The following CLSTN2 variants were observed in gnomAD, a reference collection of about 807,000 sequenced individuals.
The protein encoded by CLSTN2 is calsyntenin-2.
In CLSTN2, 48 loss-of-function variants were observed where a neutral mutation model predicts 101.2. The observed-to-expected ratio is 0.47, with a 90% CI of 0.38 to 0.60. The LOEUF (loss-of-function observed/expected upper bound fraction) is 0.60, where lower values mean the gene tolerates loss of function less well. Among genes scored for constraint, CLSTN2 ranks in the 20% least tolerant of loss-of-function variants. The pLI is 0.00. For synonymous variants in CLSTN2, 481 were observed against 463.6 expected (o/e 1.04, Z -0.48); for missense variants, 1,160 against 1,238.2 (o/e 0.94, Z 0.95).
At chr3:140,122,073 C>G (rs568505467) in intron 1 of CLSTN2, among the ~76,000 whole-genome samples, 1 of 152,284 alleles carries the variant, frequency 6.6e-6, no homozygotes, top group East Asian at 1.9e-4. Context: ...CAATCAGGAG[C>G]AGCATGAAAC....
At position 140,244,897 on chromosome 3, in the gene CLSTN2, G is replaced by T. The variant is rs1445327145; in HGVS notation, c.232+68824G>T. Among the ~76,000 whole-genome samples, 45 of 152,276 alleles carry T rather than the reference G, an allele frequency of 3.0e-4. 1 individual carries two copies. The highest frequency in any genetic ancestry group is 2.9e-3 in the Admixed American group (45 of 15,280). On this transcript the variant is annotated intron_variant, in intron 2 of 16. Transcript: ENST00000458420. ...TTTTAAAGTTCTATAGCTTATTAAA[G>T]TTTGAAATGTCAAGGTTTGAAAACG...
At chr3:140,153,823 G>T (rs533063616) in intron 1 of CLSTN2, among the ~76,000 whole-genome samples, 1 of 152,170 alleles carries the variant, frequency 6.6e-6, no homozygotes. Context: ...AGAGAACACT[G>T]GTGGGAGTGG....
chr3:140,514,810 T>C (rs565622021), intron 8 of CLSTN2, among the ~76,000 whole-genome samples: 2 of 152,240 alleles, frequency 1.3e-5, no homozygotes, highest in South Asian at 4.1e-4. Context: ...TTTATTTTTA[T>C]GTTCTTAGTG....
intron 1 of CLSTN2, among the ~76,000 whole-genome samples, chr3:140,148,896 C>T (rs1288319426): frequency 3.3e-5 from 5 of 152,132 alleles, no homozygotes; most frequent in Non-Finnish European, 5.9e-5. Flanking sequence ...TTCTTGGTGG[C>T]TTACAAACAG....
intron 2 of CLSTN2, among the ~76,000 whole-genome samples, chr3:140,199,573 C>T (rs570245417): frequency 6.6e-6 from 1 of 152,290 alleles, no homozygotes; most frequent in Admixed American, 6.5e-5. Flanking sequence ...TAGGAGCCGC[C>T]CAGGCCCCTG....
At chr3:140,379,074 G>C (rs1185663520) in intron 2 of CLSTN2, among the ~76,000 whole-genome samples, 1 of 152,154 alleles carries the variant, frequency 6.6e-6, no homozygotes, top group African/African-American at 2.4e-5. Context: ...AGCACATTCT[G>C]CTCCATTCCA....
At chr3:140,010,130 T>C (rs756430692) in intron 1 of CLSTN2, among the ~76,000 whole-genome samples, 16 of 152,254 alleles carry the variant, frequency 1.1e-4, no homozygotes, top group Non-Finnish European at 2.2e-4. Flanking sequence ...CTTTCCAGCC[T>C]ATTTGCATGG....
chr3:140,511,541 C>CTTTT (rs59924727), intron 8 of CLSTN2, among the ~76,000 whole-genome samples: 2 of 70,848 alleles, frequency 2.8e-5, no homozygotes, highest in Non-Finnish European at 5.3e-5. Flanking sequence ...TGTTTCTGGA[C>CTTTT]TTTTTTTTTT....
At chr3:140,433,434 A>C (rs2088655921) in intron 5 of CLSTN2, among the ~76,000 whole-genome samples, 1 of 152,196 alleles carries the variant, frequency 6.6e-6, no homozygotes, top group African/African-American at 2.4e-5. Context: ...CCCACATGCT[A>C]CCTCATCTCC....
At chr3:140,373,888 C>T (rs1174449811) in intron 2 of CLSTN2, among the ~76,000 whole-genome samples, 1 of 152,238 alleles carries the variant, frequency 6.6e-6, no homozygotes, top group Non-Finnish European at 1.5e-5. Flanking sequence ...CCTGCCAGGA[C>T]TTTCTGATAG....
chr3:140,571,908 T>C lies in CLSTN2; in HGVS notation c.*5655T>C, dbSNP rs959959916. ...CCAGAAAGCTGACAGATATTCCCTG[T>C]ATGCAGGTAGTAAACAGATGGGAGT... On this transcript the variant is annotated 3_prime_UTR_variant, in exon 17 of 17. Transcript: ENST00000458420. 4 of 152,322 alleles carry C rather than the reference T, an allele frequency of 2.6e-5. No homozygotes were observed. Among genetic ancestry groups the C allele is most frequent in the Non-Finnish European group, 4.4e-5 (3 of 68,120 alleles). 9.4% of individuals were successfully genotyped at this position (152,322 alleles called of 1,614,324 possible). A position where few individuals can be genotyped will look rare whatever the true frequency, so the allele number is the denominator to read the frequency against.
chr3:140,540,557 C>T (rs1283391416), intron 9 of CLSTN2, among the ~76,000 whole-genome samples: 2 of 152,078 alleles, frequency 1.3e-5, no homozygotes, highest in African/African-American at 4.8e-5. Context: ...AAATTGACAC[C>T]CAAGCATCCA....
At chr3:140,455,514 A>G (rs993920310) in intron 6 of CLSTN2, among the ~76,000 whole-genome samples, 3 of 151,948 alleles carry the variant, frequency 2.0e-5, no homozygotes, top group Non-Finnish European at 4.4e-5. Context: ...TGGCTTCCCC[A>G]CCCTGCTAGG....
In CLSTN2 at chr3:140,562,316, C is replaced by T. The variant is rs745756994; in HGVS notation, c.2212+8C>T. 86 of 1,609,248 alleles carry T rather than the reference C, an allele frequency of 5.3e-5. No individual in the cohort carries two copies. The highest frequency in any genetic ancestry group is 7.1e-5 in the Non-Finnish European group (84 of 1,178,286). On this transcript the variant is annotated splice_region_variant and intron_variant, in intron 13 of 16. Transcript: ENST00000458420. Reference sequence around the variant, plus strand: ...CAGGCTACTCCATCTACGGTAAGGCCACACTCAGCCCCCTTTGCCCCAAGG... The same window carrying T: ...CAGGCTACTCCATCTACGGTAAGGCTACACTCAGCCCCCTTTGCCCCAAGG...
rs530410885 is a variant in CLSTN2, at chr3:140,370,429, C to T, written c.233-33200C>T. 3.4e-4 allele frequency among the ~76,000 whole-genome samples: 52 copies of T among 152,096 alleles called. 1 individual carries two copies. Among genetic ancestry groups the T allele is most frequent in the African/African-American group, 1.1e-3 (46 of 41,490 alleles). ...TGTGTTGTTCACCCTGGATTTTTCA[C>T]GCAACACAGCGTCTGGCATATGGTA... On this transcript the variant is annotated intron_variant, in intron 2 of 16. Coordinates refer to ENST00000458420, the MANE Select transcript of CLSTN2 (RefSeq NM_022131.3).
At chr3:140,406,945 A>G (rs751130225) in intron 4 of CLSTN2, among the ~76,000 whole-genome samples, 1 of 152,226 alleles carries the variant, frequency 6.6e-6, no homozygotes, top group Non-Finnish European at 1.5e-5. Context: ...TTGCTAACAT[A>G]TGCCAATTTA....
intron 2 of CLSTN2, among the ~76,000 whole-genome samples, chr3:140,285,074 G>C (rs149914997): frequency 6.6e-6 from 1 of 152,072 alleles, no homozygotes; most frequent in East Asian, 1.9e-4. Context: ...CATTGCTGTG[G>C]GCAAGTGGAG....
chr3:140,309,365 C>G (rs1211417306), intron 2 of CLSTN2, among the ~76,000 whole-genome samples: 1 of 152,060 alleles, frequency 6.6e-6, no homozygotes, highest in Non-Finnish European at 1.5e-5. Flanking sequence ...ACCTGCTGAT[C>G]CTCCCCAGGA....
intron 2 of CLSTN2, among the ~76,000 whole-genome samples, chr3:140,300,929 T>C (rs7649047): frequency 0.17 from 25,689 of 152,048 alleles, 2,545 homozygotes; most frequent in East Asian, 0.37. Flanking sequence ...GGTATAATTG[T>C]AATCCAAGTC....
Sources: gnomAD v4.1 joint callset for allele counts (sites outside exome capture counted in the v4.1 genomes callset) on GRCh38, gnomAD v4.1.1 for gene constraint, MANE v1.5 for transcripts, NCBI Gene and HGNC (gene_info 2026-07-23, HGNC 2026-07-21) for gene names.